The following ATG7 variants were observed in gnomAD, a reference collection of about 807,000 sequenced individuals.
ATG7 encodes autophagy related 7.
Under a neutral mutation model 82.4 loss-of-function variants are expected in ATG7, and 70 were observed. That is an observed-to-expected ratio of 0.85 (90% CI 0.70 to 1.04). The LOEUF (loss-of-function observed/expected upper bound fraction) is 1.04, where lower values mean the gene tolerates loss of function less well. ATG7 is among the 50% of genes least tolerant of loss of function. ATG7 has a pLI of 0.00. For missense variants in ATG7, 792 were observed against 864.3 expected (o/e 0.92, Z 1.05); for synonymous variants, 287 against 313.0 (o/e 0.92, Z 0.88).
At chr3:11,362,371 C>T (rs958369464) in intron 16 of ATG7, among the ~76,000 whole-genome samples, 4 of 152,218 alleles carry the variant, frequency 2.6e-5, no homozygotes, top group Non-Finnish European at 4.4e-5. Flanking sequence ...TAAATTGTTG[C>T]TCCCATCTCA....
chr3:11,352,016 G>T (rs543631229), intron 14 of ATG7, among the ~76,000 whole-genome samples: 6 of 99,688 alleles, frequency 6.0e-5, no homozygotes, highest in Non-Finnish European at 1.2e-4. Flanking sequence ...TCCACGCCAC[G>T]ACAGGCACTT....
At chr3:11,552,462 G>A (rs1307953627) in intron 20 of ATG7, among the ~76,000 whole-genome samples, 1 of 152,118 alleles carries the variant, frequency 6.6e-6, no homozygotes, top group Non-Finnish European at 1.5e-5. Flanking sequence ...CTGCGGTGAG[G>A]ACACAGTAGA....
intron 19 of ATG7, among the ~76,000 whole-genome samples, chr3:11,389,232 C>CAAAAA (rs752930553): frequency 5.2e-5 from 3 of 57,242 alleles, no homozygotes; most frequent in African/African-American, 7.9e-5. Flanking sequence ...GACCCTGTCT[C>CAAAAA]AAAAAAAAAA....
chr3:11,508,998 A>G (rs974748109), intron 20 of ATG7, among the ~76,000 whole-genome samples: 4 of 152,198 alleles, frequency 2.6e-5, no homozygotes, highest in African/African-American at 9.7e-5. Context: ...CTTTTTCCAA[A>G]CAAACAGATC....
rs948395377 is a variant in ATG7, at chr3:11,555,950, T to TC, written c.*1109dup. 4.6e-5 allele frequency: 7 copies of TC among 152,656 alleles called. No individual in the cohort carries two copies. Among genetic ancestry groups the TC allele is most frequent in the African/African-American group, 1.4e-4 (6 of 41,450 alleles). 9.5% of individuals were successfully genotyped at this position (152,656 alleles called of 1,614,324 possible). A position where few individuals can be genotyped will look rare whatever the true frequency, so the allele number is the denominator to read the frequency against. On this transcript the variant is annotated 3_prime_UTR_variant, in exon 21 of 21. Transcript: ENST00000693202. ...GCTTCGCTTCTCCCAAAGTAGCCAG[T>TC]CCAAGTTCCAGTGGCTGTCGTTCAG...
At chr3:11,568,815 G>A in the ATG7 span, 46 of 1,428,398 alleles carry the variant, frequency 3.2e-5, no homozygotes, top group South Asian at 5.5e-4. The surrounding 1 kb of genome is among the most constrained non-coding windows in gnomAD (Gnocchi z 5.9). Flanking sequence ...CGGCATCCCC[G>A]CGAACACCCA....
intron 20 of ATG7, among the ~76,000 whole-genome samples, chr3:11,539,510 T>C (rs1378954989): frequency 1.5e-5 from 1 of 66,988 alleles, no homozygotes; most frequent in African/African-American, 4.4e-5. Context: ...GGTTGGGAAA[T>C]AAGACCTCTA....
chr3:11,405,550 T>C (rs1350956104), intron 19 of ATG7, among the ~76,000 whole-genome samples: 1 of 152,204 alleles, frequency 6.6e-6, no homozygotes, highest in African/African-American at 2.4e-5. Context: ...TCTTGTCATG[T>C]ATTTTCTGTG....
intron 3 of ATG7, among the ~76,000 whole-genome samples, chr3:11,289,282 A>T (rs865864617): frequency 6.6e-6 from 1 of 152,198 alleles, no homozygotes; most frequent in Non-Finnish European, 1.5e-5. Flanking sequence ...AACTCTGTCT[A>T]TGACTCACTT....
Position 11,482,162 on chromosome 3 carries a change from G to A in ATG7, c.2079+55236G>A, listed in dbSNP as rs550655294. 3.3e-5 allele frequency among the ~76,000 whole-genome samples: 5 copies of A among 152,314 alleles called. No homozygotes were observed. The South Asian group carries it at 1.0e-3, about 32-fold the overall frequency. ...CGCTCTGTCCCGCTTCCTTCCAACT[G>A]GAAAGTTCATGAGAGAAGTATATTG... On this transcript the variant is annotated intron_variant, in intron 20 of 20. Coordinates refer to ENST00000693202, the MANE Select transcript of ATG7 (RefSeq NM_001349232.2).
Position 11,527,129 on chromosome 3 carries a change from G to T in ATG7, c.2080-27682G>T, listed in dbSNP as rs1212734664. ...CATATACACACATTTTTTTGAGGTG[G>T]AGTCTCACTCTGTTGTCCAGGCTGG... On this transcript the variant is annotated intron_variant, in intron 20 of 20. Coordinates refer to ENST00000693202, the MANE Select transcript of ATG7 (RefSeq NM_001349232.2). 3.3e-5 allele frequency among the ~76,000 whole-genome samples: 5 copies of T among 149,618 alleles called. No individual in the cohort carries two copies. In the South Asian group the frequency reaches 6.3e-4, roughly 19 times the overall value.
intron 11 of ATG7, among the ~76,000 whole-genome samples, chr3:11,338,980 A>G (rs1447208873): frequency 6.6e-6 from 1 of 152,176 alleles, no homozygotes; most frequent in African/African-American, 2.4e-5. Flanking sequence ...TAGAAATTCA[A>G]AAGTAGGAGA....
At chr3:11,554,752 G>A in intron 20 of ATG7, 59 bp from the exon 21 acceptor site, 2 of 1,600,612 alleles carry the variant, frequency 1.2e-6, no homozygotes, top group Non-Finnish European at 1.7e-6. Context: ...TGAAGCATCT[G>A]TGTGCCCCCC....
At chr3:11,513,489 C>A (rs2092154492) in intron 20 of ATG7, among the ~76,000 whole-genome samples, 1 of 152,228 alleles carries the variant, frequency 6.6e-6, no homozygotes, top group Non-Finnish European at 1.5e-5. Context: ...GGCCTGGGTG[C>A]TAAGCCCCTC....
chr3:11,372,833 TGTGC>T (rs746154728), intron 18 of ATG7, among the ~76,000 whole-genome samples: 12 of 122,900 alleles, frequency 9.8e-5, no homozygotes, highest in African/African-American at 1.9e-4. Flanking sequence ...TGTGCGTGTG[TGTGC>T]GTGCGTGCGT....
intron 20 of ATG7, among the ~76,000 whole-genome samples, chr3:11,540,826 C>T (rs895041137): frequency 6.8e-5 from 10 of 148,032 alleles, no homozygotes; most frequent in Non-Finnish European, 1.2e-4. Context: ...CTTTTAGTGT[C>T]CTAAGAAATC....
At chr3:11,570,424 A>T in the ATG7 span, among the ~76,000 whole-genome samples, 1 of 152,190 alleles carries the variant, frequency 6.6e-6, no homozygotes, top group African/African-American at 2.4e-5. Flanking sequence ...CTCAGTCAGT[A>T]AGCTTCTGAA....
intron 13 of ATG7, among the ~76,000 whole-genome samples, chr3:11,347,061 A>G (rs151214552): frequency 1.3e-3 from 196 of 152,364 alleles, no homozygotes; most frequent in Middle Eastern, 3.4e-3. Flanking sequence ...CTTATGATCT[A>G]CTAAAATATA....
At chr3:11,480,315 G>A (rs111232659) in intron 20 of ATG7, among the ~76,000 whole-genome samples, 3 of 152,236 alleles carry the variant, frequency 2.0e-5, no homozygotes, top group Admixed American at 6.5e-5. Context: ...TGGGAAGATC[G>A]CTTGAGGCCA....
Sources: gnomAD v4.1 joint callset for allele counts (sites outside exome capture counted in the v4.1 genomes callset) on GRCh38, gnomAD v4.1.1 for gene constraint, Gnocchi (gnomAD v3.1) non-coding constraint, MANE v1.5 for transcripts, NCBI Gene and HGNC (gene_info 2026-07-23, HGNC 2026-07-21) for gene names.